NUP37: variants seen among roughly 807,000 people sequenced by gnomAD.
NUP37 encodes nucleoporin 37, also known as nucleoporin Nup37.
NUP37 carries 33 observed loss-of-function variants against 45.4 expected under a neutral mutation model. The ratio of observed to expected loss-of-function variants is 0.73; its 90% CI spans 0.55 to 0.97. The LOEUF (loss-of-function observed/expected upper bound fraction) is 0.97. NUP37 is among the 50% of genes least tolerant of loss of function. The pLI is 0.00. For synonymous variants in NUP37, 127 were observed against 130.7 expected (o/e 0.97, Z 0.19); for missense variants, 365 against 389.7 (o/e 0.94, Z 0.53).
intron 5 of NUP37, among the ~76,000 whole-genome samples, chr12:102,096,439 A>G (rs1879805282): frequency 6.6e-6 from 1 of 152,182 alleles, no homozygotes; most frequent in Non-Finnish European, 1.5e-5. Context: ...ACATTTCATG[A>G]ACCTATTCAG....
In NUP37 at chr12:102,112,210, C is replaced by G; in HGVS notation, c.179G>C (p.Gly60Ala). The change falls in exon 3 of 10, where the codon GGC (glycine) becomes GCC (alanine). Residue 60 changes from glycine to alanine, a missense_variant. By Grantham distance (60) the Gly-to-Ala change is moderately conservative. Transcript: ENST00000552283. ...TFQEEEADVE[G>A]IQYKTLRTFH... ...TGTTCGAAGTGTTTTATACTGAATGCCTTCAACGTCTGCTTCTTCTTCCTA... is the reference window on the plus strand; with the variant it reads ...TGTTCGAAGTGTTTTATACTGAATGGCTTCAACGTCTGCTTCTTCTTCCTA... 1 of 1,612,858 alleles carries G rather than the reference C, an allele frequency of 6.2e-7. No individual in the cohort carries two copies. Among genetic ancestry groups the G allele is most frequent in the Non-Finnish European group, 8.5e-7 (1 of 1,179,100 alleles).
chr12:102,118,316 G>T, intron 2 of NUP37, 47 bp downstream of exon 2: 1 of 1,516,612 alleles, frequency 6.6e-7, no homozygotes, highest in Non-Finnish European at 8.9e-7. Context: ...AGTTCTCTTA[G>T]TAGTGAAATA....
At chr12:102,099,748 G>A (rs1183410449) in intron 4 of NUP37, among the ~76,000 whole-genome samples, 2 of 152,084 alleles carry the variant, frequency 1.3e-5, no homozygotes, top group Admixed American at 6.6e-5. Flanking sequence ...AAAAAATCTC[G>A]ACACAGAAGC....
At chr12:102,083,519 C>T (rs904855746) in intron 6 of NUP37, among the ~76,000 whole-genome samples, 1 of 152,204 alleles carries the variant, frequency 6.6e-6, no homozygotes, top group African/African-American at 2.4e-5. Context: ...GTTAATCCTT[C>T]TTTATGTCAT....
At chr12:102,076,658 G>T in intron 8 of NUP37, 139 bp downstream of exon 8, 1 of 632,818 alleles carries the variant, frequency 1.6e-6, no homozygotes. Flanking sequence ...GACTTAGTCG[G>T]GAAAGTAAAA....
At chr12:102,113,489 C>T (rs1880373737) in intron 2 of NUP37, among the ~76,000 whole-genome samples, 1 of 151,980 alleles carries the variant, frequency 6.6e-6, no homozygotes, top group South Asian at 2.1e-4. Flanking sequence ...TTTTTATAAG[C>T]ATTAAAATAC....
chr12:102,074,956 T>TAAAA, intron 9 of NUP37, 45 bp downstream of exon 9: 1 of 1,031,496 alleles, frequency 9.7e-7, no homozygotes, highest in Non-Finnish European at 1.3e-6. Flanking sequence ...AAACACAAAT[T>TAAAA]AAAAAAAAAA....
chr12:102,100,121 A>C (rs1364503383), intron 4 of NUP37, among the ~76,000 whole-genome samples: 1 of 152,208 alleles, frequency 6.6e-6, no homozygotes, highest in African/African-American at 2.4e-5. Context: ...TTTAATGTGT[A>C]TTATAACTAG....
At chr12:102,078,799 T>C (rs542013710) in intron 6 of NUP37, among the ~76,000 whole-genome samples, 109 of 152,332 alleles carry the variant, frequency 7.2e-4, no homozygotes, top group African/African-American at 2.5e-3. Flanking sequence ...TAAGATACCA[T>C]TGAGTTAAGA....
At chr12:102,109,328 A>G (rs549281275) in intron 3 of NUP37, among the ~76,000 whole-genome samples, 1 of 152,334 alleles carries the variant, frequency 6.6e-6, no homozygotes, top group African/African-American at 2.4e-5. Context: ...GATAAAAATT[A>G]ATGATGATAA....
intron 4 of NUP37, among the ~76,000 whole-genome samples, chr12:102,100,512 G>T (rs1158576226): frequency 6.6e-6 from 1 of 152,180 alleles, no homozygotes; most frequent in African/African-American, 2.4e-5. Context: ...TAAGGCAGCT[G>T]CTATGATTAC....
At chr12:102,118,316 GT>G in intron 2 of NUP37, 46 bp downstream of exon 2, 1 of 1,516,618 alleles carries the variant, frequency 6.6e-7, no homozygotes, top group Admixed American at 2.0e-5. Context: ...AGTTCTCTTA[GT>G]AGTGAAATAT....
intron 6 of NUP37, among the ~76,000 whole-genome samples, chr12:102,083,506 T>C (rs552812836): frequency 6.6e-6 from 1 of 152,334 alleles, no homozygotes; most frequent in Non-Finnish European, 1.5e-5. Flanking sequence ...GCGAGAAGAT[T>C]TGGTTAATCC....
intron 7 of NUP37, 47 bp downstream of exon 7, chr12:102,077,275 T>C (rs756725810): frequency 6.3e-7 from 1 of 1,587,238 alleles, no homozygotes. Flanking sequence ...TAGCAACAGT[T>C]ACTGCCTTTT....
At chr12:102,089,580 G>C (rs374683270) in intron 5 of NUP37, among the ~76,000 whole-genome samples, 1 of 149,272 alleles carries the variant, frequency 6.7e-6, no homozygotes, top group Non-Finnish European at 1.5e-5. Context: ...GCCGGGCAGA[G>C]GCACTCCTCA....
chr12:102,085,458 CA>C (rs1190286291), intron 6 of NUP37, among the ~76,000 whole-genome samples: 1 of 151,502 alleles, frequency 6.6e-6, no homozygotes, highest in Non-Finnish European at 1.5e-5. Flanking sequence ...AAAACCAAAA[CA>C]AAAAAAATCC....
chr12:102,100,918 A>G, intron 4 of NUP37, 114 bp downstream of exon 4: 1 of 605,726 alleles, frequency 1.7e-6, no homozygotes, highest in African/African-American at 2.0e-5. Context: ...TAAATTATAT[A>G]CTTTAATGAT....
intron 2 of NUP37, among the ~76,000 whole-genome samples, chr12:102,115,622 C>T (rs1404150460): frequency 1.3e-5 from 2 of 152,176 alleles, no homozygotes; most frequent in African/African-American, 4.8e-5. Flanking sequence ...ATACACGACA[C>T]CAGTTAACAG....
rs1485336563 is a variant in NUP37, at chr12:102,118,586, G to C, written c.-65-3C>G. On this transcript the variant is annotated splice_polypyrimidine_tract_variant and splice_region_variant and intron_variant, in intron 1 of 9. Coordinates refer to ENST00000552283, the MANE Select transcript of NUP37 (RefSeq NM_024057.4). The stretch of plus-strand genomic sequence containing the variant: ...TTCTACTGGACAAGGTCACGAAACT[G>C]TGGATTAGAGCACAGGTACAATTAC... 4 of 1,400,338 alleles carry C rather than the reference G, an allele frequency of 2.9e-6. No homozygotes were observed. The highest frequency in any genetic ancestry group is 9.8e-7 in the Non-Finnish European group (1 of 1,017,156). The allele number at this position is 1,400,338 out of a possible 1,614,324, so 86.7% of individuals were successfully genotyped here. A position where few individuals can be genotyped will look rare whatever the true frequency, so the allele number is the denominator to read the frequency against.
Sources: allele counts gnomAD v4.1 joint callset (sites outside exome capture counted in the v4.1 genomes callset), GRCh38; gene constraint gnomAD v4.1.1; transcripts MANE v1.5; gene names NCBI Gene and HGNC (gene_info 2026-07-23, HGNC 2026-07-21).